CHRM5: variants seen among roughly 807,000 people sequenced by gnomAD.
CHRM5 encodes cholinergic receptor muscarinic 5.
A neutral mutation model predicts 39.0 loss-of-function variants in CHRM5; 18 were observed. That is an observed-to-expected ratio of 0.46 (90% CI 0.32 to 0.68). The LOEUF is 0.68. Among genes scored for constraint, CHRM5 ranks in the 30% least tolerant of loss-of-function variants. The pLI is 0.04. For missense variants in CHRM5, 515 were observed against 651.1 expected (o/e 0.79, Z 2.28); for synonymous variants, 241 against 246.3 (o/e 0.98, Z 0.20).
intron 2 of CHRM5, among the ~76,000 whole-genome samples, chr15:34,053,709 C>A (rs1374486637): frequency 6.6e-6 from 1 of 151,900 alleles, no homozygotes; most frequent in African/African-American, 2.4e-5. Flanking sequence ...AATGTAAAAC[C>A]CAAAACTATA....
chr15:34,003,143 T>G, intron 1 of CHRM5: 1 of 1,613,870 alleles, frequency 6.2e-7, no homozygotes, highest in South Asian at 1.1e-5. Context: ...ACAATCTTTC[T>G]TTTAGAATAA....
intron 1 of CHRM5, among the ~76,000 whole-genome samples, chr15:34,014,225 G>A (rs922545993): frequency 5.3e-5 from 8 of 151,868 alleles, no homozygotes; most frequent in South Asian, 2.1e-4. Flanking sequence ...TTAGCCAGGC[G>A]TGGTGGCACG....
At chr15:34,033,368 T>C (rs1243050166) in intron 1 of CHRM5, among the ~76,000 whole-genome samples, 2 of 151,974 alleles carry the variant, frequency 1.3e-5, no homozygotes, top group Non-Finnish European at 2.9e-5. Flanking sequence ...TAGCCGGGTG[T>C]GGCGGTGTGC....
chr15:33,984,330 T>A (rs750040191), intron 1 of CHRM5, among the ~76,000 whole-genome samples: 116 of 152,100 alleles, frequency 7.6e-4, no homozygotes, highest in Non-Finnish European at 1.4e-3. Context: ...AATGTCATTT[T>A]ATTAAGTTAA....
intron 1 of CHRM5, among the ~76,000 whole-genome samples, chr15:33,976,042 G>A (rs560973267): frequency 6.6e-6 from 1 of 152,290 alleles, no homozygotes; most frequent in African/African-American, 2.4e-5. Flanking sequence ...TTCCAGGTTT[G>A]TGAACTCTGC....
At position 33,969,120 on chromosome 15, in the gene CHRM5, A is replaced by G. The variant is rs1322484307; in HGVS notation, c.-438A>G. The G allele has an allele frequency of 6.6e-6, 1 of 152,114 alleles. No homozygotes were observed. Among genetic ancestry groups the G allele is most frequent in the Non-Finnish European group, 1.5e-5 (1 of 67,946 alleles). 9.4% of individuals were successfully genotyped at this position (152,114 alleles called of 1,614,324 possible). A position where few individuals can be genotyped will look rare whatever the true frequency, so the allele number is the denominator to read the frequency against. On this transcript the variant is annotated 5_prime_UTR_variant, in exon 1 of 3. Coordinates refer to ENST00000383263, the MANE Select transcript of CHRM5 (RefSeq NM_012125.4). ...GCTTACTATTTCCAGCCAGAGTTCAAATTACTGAGCTTCAAACAAACCACT... is the reference window on the plus strand; with the variant it reads ...GCTTACTATTTCCAGCCAGAGTTCAGATTACTGAGCTTCAAACAAACCACT...
At chr15:34,039,082 C>G in intron 1 of CHRM5, 2 of 1,079,640 alleles carry the variant, frequency 1.9e-6, no homozygotes, top group Non-Finnish European at 2.2e-6. Flanking sequence ...GCGCGGGAGC[C>G]GAGCTGCGGC....
At chr15:34,036,753 T>C (rs749432333) in intron 1 of CHRM5, among the ~76,000 whole-genome samples, 4 of 152,152 alleles carry the variant, frequency 2.6e-5, no homozygotes, top group Non-Finnish European at 4.4e-5. Flanking sequence ...TTTAACAGAA[T>C]GTGTTACAAT....
chr15:33,980,853 T>C (rs529672), intron 1 of CHRM5, among the ~76,000 whole-genome samples: 123,335 of 152,158 alleles, frequency 0.81, 54,750 homozygotes, highest in Non-Finnish European at 0.98. Context: ...AATACCATTC[T>C]GACTTCAAAA....
intron 1 of CHRM5, among the ~76,000 whole-genome samples, chr15:34,014,388 A>C (rs1567467464): frequency 4.4e-5 from 5 of 114,164 alleles, no homozygotes; most frequent in Non-Finnish European, 5.8e-5. Flanking sequence ...AAAAAAACAA[A>C]AACAAAAACC....
chr15:34,015,478 T>C (rs1043168635), intron 1 of CHRM5, among the ~76,000 whole-genome samples: 1 of 149,178 alleles, frequency 6.7e-6, no homozygotes, highest in African/African-American at 2.5e-5. Context: ...CGAGACTCCA[T>C]CTCAAAAAAT....
chr15:34,014,391 CAA>C (rs1332707712), intron 1 of CHRM5, among the ~76,000 whole-genome samples: 1 of 30,922 alleles, frequency 3.2e-5, no homozygotes, highest in African/African-American at 6.0e-5. Context: ...AAAACAAAAA[CAA>C]AAACCACGTT....
Position 34,063,968 on chromosome 15 carries a change from C to A in CHRM5, c.1251C>A (p.Gly417=). 1 of 1,614,166 alleles carries A rather than the reference C, an allele frequency of 6.2e-7. No individual in the cohort carries two copies. The highest frequency in any genetic ancestry group is 8.5e-7 in the Non-Finnish European group (1 of 1,180,028). The change falls in exon 3 of 3, where the codon GGC becomes GGA. Residue 417 remains glycine, a synonymous_variant. Coordinates refer to ENST00000383263, the MANE Select transcript of CHRM5 (RefSeq NM_012125.4). The surrounding 1 kb of genome is among the most constrained non-coding windows in gnomAD (Gnocchi z 4.1). ...FPVAKEPSTK[G]LNPNPSHQMT... ...TGGCCAAGGAACCTTCAACGAAAGG[C>A]CTCAATCCCAACCCCAGCCATCAAA... is the stretch of plus-strand genomic sequence containing the variant.
At chr15:34,056,179 T>C (rs1900141870) in intron 2 of CHRM5, among the ~76,000 whole-genome samples, 1 of 152,246 alleles carries the variant, frequency 6.6e-6, no homozygotes, top group Admixed American at 6.5e-5. Flanking sequence ...TAGTTTCCAG[T>C]GTTTTCTACT....
chr15:33,983,174 ATATACACACGTGTGTG>A (rs1896246942), intron 1 of CHRM5, among the ~76,000 whole-genome samples: 1 of 99,618 alleles, frequency 1.0e-5, no homozygotes, highest in African/African-American at 6.3e-5. Context: ...GTGTGTGTAT[ATATACACACGTGTGTG>A]TATGTGTGTG....
chr15:34,004,694 G>C (rs1189960397), intron 1 of CHRM5, among the ~76,000 whole-genome samples: 1 of 152,146 alleles, frequency 6.6e-6, no homozygotes, highest in East Asian at 1.9e-4. Flanking sequence ...TGGGTGGAGA[G>C]GAATGGTGGA....
intron 1 of CHRM5, among the ~76,000 whole-genome samples, chr15:33,988,652 C>T (rs564126087): frequency 6.6e-6 from 1 of 152,268 alleles, no homozygotes; most frequent in East Asian, 1.9e-4. Flanking sequence ...ATTTATGAAG[C>T]CTAACCCTTC....
At chr15:33,993,761 G>T (rs1436901465) in intron 1 of CHRM5, among the ~76,000 whole-genome samples, 1 of 152,118 alleles carries the variant, frequency 6.6e-6, no homozygotes, top group East Asian at 1.9e-4. Flanking sequence ...CACTAGAGGT[G>T]ACCGCAATCA....
At chr15:34,056,837 C>A (rs756582637) in intron 2 of CHRM5, among the ~76,000 whole-genome samples, 1 of 152,098 alleles carries the variant, frequency 6.6e-6, no homozygotes, top group African/African-American at 2.4e-5. Context: ...TCAAGGCCAG[C>A]CTGAGCAACA....
Sources: allele counts gnomAD v4.1 joint callset (sites outside exome capture counted in the v4.1 genomes callset), GRCh38; gene constraint gnomAD v4.1.1; non-coding constraint Gnocchi (gnomAD v3.1); transcripts MANE v1.5; gene names NCBI Gene and HGNC (gene_info 2026-07-23, HGNC 2026-07-21).